Variants in NFATC3 observed in about 807,000 individuals in gnomAD.
The protein encoded by NFATC3 is nuclear factor of activated T-cells, cytoplasmic 3.
A neutral mutation model predicts 98.6 loss-of-function variants in NFATC3; 46 were observed. That is an observed-to-expected ratio of 0.47 (90% CI 0.37 to 0.60). The LOEUF (loss-of-function observed/expected upper bound fraction) is 0.60. Ranked by LOEUF, NFATC3 falls within the 20% of genes least tolerant of loss-of-function variation. The pLI is 0.00. For synonymous variants in NFATC3, 512 were observed against 472.2 expected (o/e 1.08, Z -1.09); for missense variants, 1,256 against 1,295.5 (o/e 0.97, Z 0.47).
chr16:68,085,625 C>T lies in NFATC3; in HGVS notation c.-57C>T, dbSNP rs1384799449. ...CGGCGTTGAGGAGCTGCTGCCGCCG[C>T]TTGCCGCTGCCGCCGCCGCCGCCTG... On this transcript the variant is annotated 5_prime_UTR_variant, in exon 1 of 10. Coordinates refer to ENST00000346183, the MANE Select transcript of NFATC3 (RefSeq NM_173165.3). 21 of 1,441,004 alleles carry T rather than the reference C, an allele frequency of 1.5e-5. No homozygotes were observed. The highest frequency in any genetic ancestry group is 1.8e-5 in the Non-Finnish European group (20 of 1,088,324). The allele number at this position is 1,441,004 out of a possible 1,614,324, so 89.3% of individuals were successfully genotyped here. A position where few individuals can be genotyped will look rare whatever the true frequency, so the allele number is the denominator to read the frequency against.
rs1177129234 is a variant in NFATC3, at chr16:68,122,564, A to G, written c.681A>G (p.Gln227=). 1.2e-6 allele frequency: 2 copies of G among 1,614,142 alleles called. No individual in the cohort carries two copies. The highest frequency in any genetic ancestry group is 1.7e-5 in the Admixed American group (1 of 60,016). ...GGCPGEETWH[Q]QYGLGHSLSP... ...GCCCTGGAGAAGAAACTTGGCATCA[A>G]CAGTATGGACTTGGACACTCATTAT... Residue 227 remains glutamine (Q), a synonymous_variant, in exon 2 of 10, where the codon CAA becomes CAG. Coordinates refer to ENST00000346183, the MANE Select transcript of NFATC3 (RefSeq NM_173165.3).
intron 1 of NFATC3, among the ~76,000 whole-genome samples, chr16:68,114,873 G>A (rs2036189951): frequency 2.0e-5 from 3 of 151,936 alleles, no homozygotes; most frequent in African/African-American, 7.3e-5. Flanking sequence ...GCACCTGGCC[G>A]GAAAACCACT....
intron 9 of NFATC3, among the ~76,000 whole-genome samples, chr16:68,219,305 C>T (rs2041763599): frequency 6.6e-6 from 1 of 152,060 alleles, no homozygotes; most frequent in Non-Finnish European, 1.5e-5. Flanking sequence ...ATTGCTTGAA[C>T]CCGGGAGGCG....
At chr16:68,211,663 C>G (rs2041403451) in intron 9 of NFATC3, among the ~76,000 whole-genome samples, 1 of 151,200 alleles carries the variant, frequency 6.6e-6, no homozygotes. Context: ...GCTGGGATTA[C>G]AGGCATCTAC....
intron 3 of NFATC3, among the ~76,000 whole-genome samples, chr16:68,128,256 A>G (rs924840800): frequency 3.9e-5 from 6 of 152,092 alleles, no homozygotes; most frequent in Admixed American, 6.6e-5. Context: ...GCTATGCTTT[A>G]TGATTATTAT....
chr16:68,218,575 C>CTT lies in NFATC3; in HGVS notation c.3107-7765_3107-7764dup, dbSNP rs535788151. On this transcript the variant is annotated intron_variant, in intron 9 of 9. Transcript: ENST00000346183. ...TTTCCTGTATTTAGTTTAGATGGTGCTTTTTTTTTTTATTTTGAGACAGAG... is the reference window on the plus strand; with the variant it reads ...TTTCCTGTATTTAGTTTAGATGGTGCTTTTTTTTTTTTTATTTTGAGACAGAG... Among the ~76,000 whole-genome samples the CTT allele has an allele frequency of 2.1e-4, 26 of 126,024 alleles. No individual in the cohort carries two copies. In the Middle Eastern group the frequency reaches 0.018, roughly 86 times the overall value. 82.7% of individuals were successfully genotyped at this position (126,024 alleles called of 152,430 possible).
At chr16:68,154,763 A>G (rs1025514162) in intron 3 of NFATC3, among the ~76,000 whole-genome samples, 23 of 152,228 alleles carry the variant, frequency 1.5e-4, no homozygotes, top group African/African-American at 5.3e-4. Context: ...AAGGCCAGCA[A>G]GGCTAGAGCA....
intron 9 of NFATC3, among the ~76,000 whole-genome samples, chr16:68,210,813 GCT>G (rs2041355236): frequency 6.6e-6 from 1 of 151,984 alleles, no homozygotes; most frequent in Non-Finnish European, 1.5e-5. Flanking sequence ...ATGGAGTCTT[GCT>G]CTGTCGCTCA....
chr16:68,150,412 TAAAAAA>T (rs60606928), intron 3 of NFATC3, among the ~76,000 whole-genome samples: 6 of 81,080 alleles, frequency 7.4e-5, no homozygotes, highest in South Asian at 4.3e-4. Context: ...CTTCTATATC[TAAAAAA>T]AAAAAAAAAA....
chr16:68,206,314 T>G (rs1299067446), intron 9 of NFATC3, among the ~76,000 whole-genome samples: 1 of 152,212 alleles, frequency 6.6e-6, no homozygotes, highest in South Asian at 2.1e-4. Flanking sequence ...ACATTCACAA[T>G]ATTGTATAAC....
chr16:68,089,438 T>C (rs897926100), intron 1 of NFATC3: 1 of 287,524 alleles, frequency 3.5e-6, no homozygotes, highest in Non-Finnish European at 5.2e-6. Context: ...GCTTTCTTAT[T>C]TATTTATTTT....
intron 3 of NFATC3, among the ~76,000 whole-genome samples, chr16:68,147,061 ATG>A (rs1362233993): frequency 6.6e-6 from 1 of 152,214 alleles, no homozygotes; most frequent in Non-Finnish European, 1.5e-5. Context: ...TGGTCAAAAT[ATG>A]TGTTATGAAA....
At chr16:68,172,297 T>C (rs2039503572) in intron 5 of NFATC3, among the ~76,000 whole-genome samples, 2 of 152,204 alleles carry the variant, frequency 1.3e-5, no homozygotes, top group Admixed American at 1.3e-4. Context: ...TTCCTTAAAA[T>C]ACTCTGCTAG....
chr16:68,087,649 A>G (rs141624339), intron 1 of NFATC3, among the ~76,000 whole-genome samples: 65 of 152,320 alleles, frequency 4.3e-4, no homozygotes, highest in Non-Finnish European at 7.9e-4. Context: ...GTCTACTTCT[A>G]AAACATTTTC....
chr16:68,147,315 T>C (rs1422535921), intron 3 of NFATC3, among the ~76,000 whole-genome samples: 1 of 152,228 alleles, frequency 6.6e-6, no homozygotes, highest in Non-Finnish European at 1.5e-5. Flanking sequence ...AACTACCTCA[T>C]TTTGACGAGC....
At chr16:68,177,347 G>A (rs138501168) in intron 6 of NFATC3, among the ~76,000 whole-genome samples, 2 of 152,174 alleles carry the variant, frequency 1.3e-5, no homozygotes, top group Non-Finnish European at 2.9e-5. Flanking sequence ...CTATGTGCCC[G>A]CCTGGTCATA....
At chr16:68,116,063 TACTC>T (rs1268494317) in intron 1 of NFATC3, among the ~76,000 whole-genome samples, 1 of 152,148 alleles carries the variant, frequency 6.6e-6, no homozygotes, top group Non-Finnish European at 1.5e-5. Context: ...CTTTGACAGT[TACTC>T]AGTTCTACCC....
chr16:68,196,643 G>A (rs776788458), intron 9 of NFATC3, among the ~76,000 whole-genome samples: 67 of 151,988 alleles, frequency 4.4e-4, no homozygotes, highest in Admixed American at 3.2e-3. Context: ...GCAGTGAGCT[G>A]AGATCGCACC....
chr16:68,145,022 G>T (rs1033349972), intron 3 of NFATC3, among the ~76,000 whole-genome samples: 2 of 152,044 alleles, frequency 1.3e-5, no homozygotes, highest in African/African-American at 4.8e-5. Flanking sequence ...TGCCCAGGCT[G>T]GTCTACAACT....
Sources: gnomAD v4.1 joint callset for allele counts (sites outside exome capture counted in the v4.1 genomes callset) on GRCh38, gnomAD v4.1.1 for gene constraint, MANE v1.5 for transcripts, NCBI Gene and HGNC (gene_info 2026-07-23, HGNC 2026-07-21) for gene names.